SOX5: variants seen among roughly 807,000 people sequenced by gnomAD.
SOX5 encodes the protein SRY-box transcription factor 5, also known as transcription factor SOX-5.
SOX5 carries 9 observed loss-of-function variants against 92.0 expected under a neutral mutation model. That is an observed-to-expected ratio of 0.10 (90% CI 0.06 to 0.17). The LOEUF (loss-of-function observed/expected upper bound fraction) is 0.17. SOX5 is among the 10% of genes least tolerant of loss of function. SOX5 has a pLI of 1.00. For missense variants in SOX5, 642 were observed against 944.5 expected (o/e 0.68, Z 4.20); for synonymous variants, 344 against 336.3 (o/e 1.02, Z -0.25).
At chr12:24,109,566 C>T (rs947757356) in intron 4 of SOX5, among the ~76,000 whole-genome samples, 1 of 152,270 alleles carries the variant, frequency 6.6e-6, no homozygotes, top group East Asian at 1.9e-4. Flanking sequence ...AACAAAGTCT[C>T]ACCCACCATC....
chr12:24,238,675 C>T (rs778996099), intron 3 of SOX5, among the ~76,000 whole-genome samples: 11 of 152,052 alleles, frequency 7.2e-5, no homozygotes, highest in Non-Finnish European at 1.6e-4. Context: ...GTCTTACTGC[C>T]GTTAGTTGAC....
chr12:23,551,268 G>T (rs559096257), intron 11 of SOX5, among the ~76,000 whole-genome samples: 8 of 151,964 alleles, frequency 5.3e-5, no homozygotes, highest in Admixed American at 3.3e-4. Flanking sequence ...CACCAAAGAA[G>T]ATGAAAGATT....
intron 3 of SOX5, among the ~76,000 whole-genome samples, chr12:23,810,452 C>T (rs895418094): frequency 3.9e-5 from 6 of 152,064 alleles, no homozygotes; most frequent in Non-Finnish European, 8.8e-5. Flanking sequence ...AGTGCCCAGT[C>T]GAAAATTACT....
intron 1 of SOX5, among the ~76,000 whole-genome samples, chr12:24,560,139 A>G (rs963439043): frequency 2.6e-5 from 4 of 152,238 alleles, no homozygotes; most frequent in African/African-American, 4.8e-5. Context: ...TTGATTCTTC[A>G]GGAACAAGGT....
intron 2 of SOX5, among the ~76,000 whole-genome samples, chr12:24,333,732 C>T (rs571084326): frequency 4.6e-5 from 7 of 151,422 alleles, no homozygotes; most frequent in African/African-American, 1.7e-4. Context: ...AGTAAAAAGA[C>T]AAAGTTGCCA....
At chr12:24,234,469 C>T (rs1401117974) in intron 3 of SOX5, among the ~76,000 whole-genome samples, 1 of 152,136 alleles carries the variant, frequency 6.6e-6, no homozygotes, top group Admixed American at 6.5e-5. Flanking sequence ...CCTCCACCTC[C>T]CAGATTCAAG....
intron 2 of SOX5, among the ~76,000 whole-genome samples, chr12:23,860,785 G>A (rs1390824154): frequency 1.3e-5 from 2 of 152,056 alleles, no homozygotes; most frequent in African/African-American, 2.4e-5. Context: ...CTCTTCAAGA[G>A]TATCCACAGG....
intron 2 of SOX5, among the ~76,000 whole-genome samples, chr12:24,301,984 T>C (rs1010849581): frequency 2.6e-5 from 4 of 152,292 alleles, no homozygotes; most frequent in Admixed American, 1.3e-4. Flanking sequence ...TGTTCACATA[T>C]ATGAATACAT....
At chr12:23,792,516 A>G (rs775027755) in intron 3 of SOX5, among the ~76,000 whole-genome samples, 13 of 150,212 alleles carry the variant, frequency 8.7e-5, no homozygotes, top group Non-Finnish European at 1.9e-4. Context: ...CCAGCTATGC[A>G]GGAGGCTGAG....
chr12:23,673,909 T>C (rs1302636784), intron 6 of SOX5, among the ~76,000 whole-genome samples: 3 of 152,030 alleles, frequency 2.0e-5, no homozygotes, highest in Admixed American at 1.3e-4. Flanking sequence ...GTAAGTTTTA[T>C]GGCATCTGAA....
At position 23,895,802 on chromosome 12, in the gene SOX5, G is replaced by A. The variant is rs1274141274; in HGVS notation, c.261C>T (p.His87=). 2 of 1,607,990 alleles carry A rather than the reference G, an allele frequency of 1.2e-6. No individual in the cohort carries two copies. Among genetic ancestry groups the A allele is most frequent in the Non-Finnish European group, 1.7e-6 (2 of 1,174,514 alleles). The change falls in exon 2 of 15, where the codon CAC becomes CAT. Residue 87 remains histidine (H), a synonymous_variant. Transcript: ENST00000451604. ...ACCATGAGAAACCTACCATTGTATTGTGCTGAGAAGTGGGAGTCCTATGGC... is the reference window on the plus strand; with the variant it reads ...ACCATGAGAAACCTACCATTGTATTATGCTGAGAAGTGGGAGTCCTATGGC... The part of the protein sequence containing the change: ...TCGHRTPTSQ[H]NTMEVDGNKV...
At chr12:23,962,294 C>T (rs1408246114) in intron 4 of SOX5, among the ~76,000 whole-genome samples, 3 of 151,844 alleles carry the variant, frequency 2.0e-5, no homozygotes, top group African/African-American at 7.3e-5. Flanking sequence ...TCTTAAAAGA[C>T]CAGGAGAACA....
chr12:23,803,883 G>C (rs1324460862), intron 3 of SOX5, among the ~76,000 whole-genome samples: 1 of 152,170 alleles, frequency 6.6e-6, no homozygotes, highest in Non-Finnish European at 1.5e-5. Context: ...CTTTCATAAG[G>C]ATGACACAGC....
chr12:23,850,448 A>G (rs1183118584), intron 2 of SOX5, among the ~76,000 whole-genome samples: 4 of 104,528 alleles, frequency 3.8e-5, no homozygotes, highest in African/African-American at 1.3e-4. Context: ...ATAAATAAAT[A>G]AATAAAAAAA....
At chr12:24,215,803 A>G (rs1290747412) in intron 3 of SOX5, among the ~76,000 whole-genome samples, 1 of 151,888 alleles carries the variant, frequency 6.6e-6, no homozygotes, top group East Asian at 1.9e-4. Flanking sequence ...CGATCCTGAA[A>G]AAAAAAAAAG....
chr12:24,518,957 A>G (rs1432383872), intron 1 of SOX5, among the ~76,000 whole-genome samples: 5 of 152,170 alleles, frequency 3.3e-5, no homozygotes, highest in Non-Finnish European at 7.4e-5. Context: ...ACTTCCTTAA[A>G]TAAGGTATGA....
chr12:23,584,574 T>C (rs375290660), intron 9 of SOX5: 2 of 1,611,232 alleles, frequency 1.2e-6, no homozygotes, highest in African/African-American at 2.7e-5. Context: ...ATGGCACAAA[T>C]CTCCAACAGT....
chr12:24,113,011 G>T (rs986204233), intron 4 of SOX5, among the ~76,000 whole-genome samples: 6 of 151,534 alleles, frequency 4.0e-5, no homozygotes, highest in Non-Finnish European at 8.8e-5. Flanking sequence ...AGACCAAAGC[G>T]CTCATTTTTA....
chr12:24,125,443 C>A (rs551150980), intron 4 of SOX5, among the ~76,000 whole-genome samples: 7 of 152,244 alleles, frequency 4.6e-5, no homozygotes, highest in Admixed American at 2.6e-4. Flanking sequence ...TTACTGAGGC[C>A]TTATGACATC....
Sources: allele counts gnomAD v4.1 joint callset (sites outside exome capture counted in the v4.1 genomes callset), GRCh38; gene constraint gnomAD v4.1.1; transcripts MANE v1.5; gene names NCBI Gene and HGNC (gene_info 2026-07-23, HGNC 2026-07-21).